Variants in ATP13A4 observed in about 807,000 individuals in gnomAD.
ATP13A4 encodes ATPase 13A4.
In ATP13A4, 114 loss-of-function variants were observed where a neutral mutation model predicts 142.5. The ratio of observed to expected loss-of-function variants is 0.80; its 90% CI spans 0.69 to 0.93. The LOEUF (loss-of-function observed/expected upper bound fraction) is 0.93, where lower values mean the gene tolerates loss of function less well. Among genes scored for constraint, ATP13A4 ranks in the 40% least tolerant of loss-of-function variants. The pLI, the probability that ATP13A4 is intolerant of heterozygous loss-of-function variation, is 0.00. For synonymous variants in ATP13A4, 488 were observed against 514.8 expected, an observed-to-expected ratio of 0.95 and a Z score of 0.70; for missense variants, 1,392 against 1,454.0, an observed-to-expected ratio of 0.96 and a Z score of 0.69.
rs1455008771 is a variant in ATP13A4, at chr3:193,462,973, C to A, written c.1462-150G>T. The A allele has an allele frequency of 1.3e-5, 9 of 711,460 alleles. No individual in the cohort carries two copies. The Admixed American group carries it at 1.4e-4, about 11-fold the overall frequency. 44.1% of individuals were successfully genotyped at this position (711,460 alleles called of 1,614,324 possible). Reference sequence around the variant, plus strand: ...CAGCCTGGGCAACATAATGAAACCACCTCCCTATTTTAAAAAAAAAAAAAT... The same window carrying A: ...CAGCCTGGGCAACATAATGAAACCAACTCCCTATTTTAAAAAAAAAAAAAT... On this transcript the variant is annotated intron_variant, in intron 12 of 29. Transcript: ENST00000342695.
chr3:193,435,541 T>C, intron 24 of ATP13A4, 107 bp downstream of exon 24: 1 of 914,586 alleles, frequency 1.1e-6, no homozygotes, highest in Non-Finnish European at 1.8e-6. Context: ...GCTGTTGTTG[T>C]TCAGATATCC....
At position 193,573,295 on chromosome 3, in the gene ATP13A4, A is replaced by ATATATATGTGTG. The variant is rs1560287323; in HGVS notation, n.291+8411_291+8412insCACACATATATA. ...TATATACATATATATATATACACAT[A>ATATATATGTGTG]TATATATATATACATATATATATAT... is the stretch of plus-strand genomic sequence containing the variant. On this transcript the variant is annotated intron_variant and non_coding_transcript_variant, in intron 2 of 3. Coordinates refer to the ATP13A4 transcript ENST00000489140. 3.6e-5 allele frequency among the ~76,000 whole-genome samples: 3 copies of ATATATATGTGTG among 83,962 alleles called. 1 individual carries two copies. The highest frequency in any genetic ancestry group is 1.6e-4 in the African/African-American group (3 of 18,380). 55.1% of individuals were successfully genotyped at this position (83,962 alleles called of 152,430 possible).
At chr3:193,459,298 G>T in intron 13 of ATP13A4, 67 bp from the exon 14 acceptor site, 1 of 1,578,602 alleles carries the variant, frequency 6.3e-7, no homozygotes, top group Non-Finnish European at 8.7e-7. Context: ...TCTTGGAGGT[G>T]AACAAACATC....
intron 1 of ATP13A4, among the ~76,000 whole-genome samples, chr3:193,582,108 T>A (rs200178487): frequency 2.9e-4 from 10 of 34,438 alleles, no homozygotes; most frequent in African/African-American, 8.4e-4. Context: ...TATATATATA[T>A]AATATACACA....
chr3:193,417,457 A>C (rs552984172), intron 25 of ATP13A4, among the ~76,000 whole-genome samples: 3 of 152,324 alleles, frequency 2.0e-5, no homozygotes, highest in South Asian at 2.1e-4. Flanking sequence ...GCAAAGGAGC[A>C]GTTGTTTTCA....
chr3:193,585,965 T>C (rs1724658763), intron 1 of ATP13A4, among the ~76,000 whole-genome samples: 1 of 152,144 alleles, frequency 6.6e-6, no homozygotes, highest in African/African-American at 2.4e-5. Context: ...TTATTGACAG[T>C]TCTGGTTGCT....
At chr3:193,436,966 T>C (rs915209775) in intron 23 of ATP13A4, among the ~76,000 whole-genome samples, 1 of 147,834 alleles carries the variant, frequency 6.8e-6, no homozygotes, top group Non-Finnish European at 1.5e-5. Context: ...TAGCCGGGCG[T>C]GGTGGCGGGC....
intron 2 of ATP13A4, among the ~76,000 whole-genome samples, chr3:193,513,242 C>G (rs1721231004): frequency 6.6e-6 from 1 of 152,174 alleles, no homozygotes; most frequent in Non-Finnish European, 1.5e-5. Flanking sequence ...GGAGTTTAGC[C>G]TCACCTCTGT....
At chr3:193,514,108 C>T (rs570275241) in intron 2 of ATP13A4, among the ~76,000 whole-genome samples, 16 of 152,264 alleles carry the variant, frequency 1.1e-4, no homozygotes, top group South Asian at 6.2e-4. Context: ...ATTTTAAGAT[C>T]GGGGAACATG....
intron 29 of ATP13A4, among the ~76,000 whole-genome samples, chr3:193,407,075 C>T (rs139614558): frequency 2.4e-3 from 360 of 152,194 alleles, no homozygotes; most frequent in African/African-American, 8.5e-3. Flanking sequence ...TAGAAATGAA[C>T]AGGACCTTAG....
At chr3:193,517,520 G>A (rs975019210) in intron 1 of ATP13A4, among the ~76,000 whole-genome samples, 1 of 152,068 alleles carries the variant, frequency 6.6e-6, no homozygotes, top group Non-Finnish European at 1.5e-5. Flanking sequence ...TCGCTCTGTC[G>A]CCCAGGCTGG....
chr3:193,478,830 G>C (rs1009075856), intron 8 of ATP13A4, among the ~76,000 whole-genome samples: 1 of 118,832 alleles, frequency 8.4e-6, no homozygotes, highest in Non-Finnish European at 1.8e-5. Context: ...GAAAACCACA[G>C]ACCAATGTCC....
chr3:193,471,005 A>T lies in ATP13A4; in HGVS notation c.809-12T>A. The T allele has an allele frequency of 6.2e-7, 1 of 1,614,138 alleles. No individual in the cohort carries two copies. The highest frequency in any genetic ancestry group is 8.5e-7 in the Non-Finnish European group (1 of 1,179,958). On this transcript the variant is annotated splice_polypyrimidine_tract_variant and intron_variant, in intron 8 of 29. Transcript: ENST00000342695. ...CTCTTGAACTCCAGCTGAAAGTGGG[A>T]GGAGACAGAGTTGAGTCAGGTTATT...
intron 9 of ATP13A4, among the ~76,000 whole-genome samples, chr3:193,469,680 T>G (rs745386245): frequency 2.6e-5 from 4 of 152,190 alleles, no homozygotes; most frequent in African/African-American, 9.7e-5. Flanking sequence ...ATTGGGACTT[T>G]GGCAACTTTT....
At chr3:193,436,010 C>T (rs1191371571) in intron 23 of ATP13A4, among the ~76,000 whole-genome samples, 1 of 152,198 alleles carries the variant, frequency 6.6e-6, no homozygotes, top group African/African-American at 2.4e-5. Context: ...CTTGTCCTTT[C>T]AGCAGGCATT....
intron 25 of ATP13A4, among the ~76,000 whole-genome samples, chr3:193,420,335 C>T (rs1287803468): frequency 6.7e-6 from 1 of 150,208 alleles, no homozygotes; most frequent in East Asian, 2.1e-4. Context: ...ATCAGAGTTA[C>T]CACAATCTTC....
At chr3:193,462,614 G>A in intron 13 of ATP13A4, 148 bp downstream of exon 13, 1 of 742,462 alleles carries the variant, frequency 1.3e-6, no homozygotes, top group South Asian at 1.7e-5. Flanking sequence ...AAGAATTAAA[G>A]ATGAGAAGTT....
intron 13 of ATP13A4, 95 bp from the exon 14 acceptor site, chr3:193,459,326 T>G (rs1484173707): frequency 1.2e-5 from 17 of 1,465,080 alleles, no homozygotes; most frequent in Non-Finnish European, 1.3e-5. Flanking sequence ...AAAAATAATT[T>G]AATATGCTTT....
In ATP13A4 at chr3:193,448,241, A is replaced by T. The variant is rs752485387; in HGVS notation, c.2117T>A (p.Leu706His). The change falls in exon 18 of 30, where the codon CTC (leucine) becomes CAC (histidine). Residue 706 changes from leucine to histidine, a missense_variant. Leu to His is a moderately conservative substitution (Grantham distance 99). Coordinates refer to ENST00000342695, the MANE Select transcript of ATP13A4 (RefSeq NM_032279.4). ...TACAGTCCTTATCCGGGCTGAGATG[A>T]GCTCTTCCAAGACAGGTTTTGTCTC... Reference protein sequence around the residue: ...KEETKPVLEELISARIRTVMI... With the variant: ...KEETKPVLEEHISARIRTVMI... The T allele has an allele frequency of 6.2e-7, 1 of 1,614,120 alleles. No individual in the cohort carries two copies. Among genetic ancestry groups the T allele is most frequent in the Non-Finnish European group, 8.5e-7 (1 of 1,180,024 alleles).
Sources: allele counts gnomAD v4.1 joint callset (sites outside exome capture counted in the v4.1 genomes callset), GRCh38; gene constraint gnomAD v4.1.1; transcripts MANE v1.5; gene names NCBI Gene and HGNC (gene_info 2026-07-23, HGNC 2026-07-21).